SLC1A1: variants seen among roughly 807,000 people sequenced by gnomAD.
SLC1A1 encodes the protein solute carrier family 1 member 1, also known as excitatory amino acid transporter 3.
Under a neutral mutation model 53.3 loss-of-function variants are expected in SLC1A1, and 43 were observed. That is an observed-to-expected ratio of 0.81 (90% CI 0.63 to 1.04). SLC1A1 has a LOEUF of 1.04. SLC1A1 is among the 50% of genes least tolerant of loss of function. The pLI is 0.00. For synonymous variants in SLC1A1, 307 were observed against 243.2 expected, an observed-to-expected ratio of 1.26 and a Z score of -2.44; for missense variants, 748 against 664.9, an observed-to-expected ratio of 1.12 and a Z score of -1.37.
chr9:4,511,086 G>C (rs890495244), intron 1 of SLC1A1, among the ~76,000 whole-genome samples: 54 of 152,202 alleles, frequency 3.5e-4, no homozygotes, highest in African/African-American at 1.2e-3. Flanking sequence ...AAGTCGTTTA[G>C]TTATTAACCA....
At chr9:4,582,185 T>G (rs1821159927) in intron 10 of SLC1A1, among the ~76,000 whole-genome samples, 1 of 152,184 alleles carries the variant, frequency 6.6e-6, no homozygotes, top group Admixed American at 6.5e-5. Flanking sequence ...AAGATGTTGC[T>G]GATAAAGAGA....
intron 1 of SLC1A1, among the ~76,000 whole-genome samples, chr9:4,529,713 A>T (rs1816395915): frequency 6.6e-6 from 1 of 151,742 alleles, no homozygotes; most frequent in Non-Finnish European, 1.5e-5. Flanking sequence ...TGTGTGTTGT[A>T]GAGATGGTGT....
At chr9:4,518,500 G>A (rs1281375783) in intron 1 of SLC1A1, among the ~76,000 whole-genome samples, 1 of 152,046 alleles carries the variant, frequency 6.6e-6, no homozygotes, top group Non-Finnish European at 1.5e-5. Flanking sequence ...CCTAATAGCT[G>A]GGATTACACA....
chr9:4,556,643 T>A lies in SLC1A1; in HGVS notation c.233-4806T>A, dbSNP rs1029343848. Among the ~76,000 whole-genome samples, 5 of 152,226 alleles carry A rather than the reference T, an allele frequency of 3.3e-5. No homozygotes were observed. Among genetic ancestry groups the A allele is most frequent in the Admixed American group, 2.0e-4 (3 of 15,280 alleles). On this transcript the variant is annotated intron_variant, in intron 2 of 11. Coordinates refer to ENST00000262352, the MANE Select transcript of SLC1A1 (RefSeq NM_004170.6). The surrounding 1 kb of genome is among the most constrained non-coding windows in gnomAD (Gnocchi z 4.1). ...TTTGGGACTAAGTTGGGCCTGATCT[T>A]CGACGTCAACGCCAGTTAAGAGTCT... is the stretch of plus-strand genomic sequence containing the variant.
chr9:4,519,851 G>T (rs1414239351), intron 1 of SLC1A1, among the ~76,000 whole-genome samples: 2 of 152,152 alleles, frequency 1.3e-5, no homozygotes, highest in African/African-American at 4.8e-5. Context: ...TGGGGACCCG[G>T]ACCACATGTC....
chr9:4,518,594 A>G (rs1288405681), intron 1 of SLC1A1, among the ~76,000 whole-genome samples: 1 of 152,124 alleles, frequency 6.6e-6, no homozygotes, highest in East Asian at 1.9e-4. Context: ...TTTGCTTAGA[A>G]TCTGTGGTGA....
chr9:4,573,051 A>T (rs940517547), intron 7 of SLC1A1, among the ~76,000 whole-genome samples: 4 of 152,120 alleles, frequency 2.6e-5, no homozygotes, highest in African/African-American at 9.7e-5. Flanking sequence ...TCCCTATTGC[A>T]CCCCATGCAA....
chr9:4,516,478 TC>T (rs1821164672), intron 1 of SLC1A1, among the ~76,000 whole-genome samples: 1 of 152,190 alleles, frequency 6.6e-6, no homozygotes, highest in African/African-American at 2.4e-5. Flanking sequence ...ACCACCCTTA[TC>T]ATCTCATCAA....
chr9:4,498,251 G>A (rs1820508381), intron 1 of SLC1A1, among the ~76,000 whole-genome samples: 1 of 152,138 alleles, frequency 6.6e-6, no homozygotes, highest in South Asian at 2.1e-4. Flanking sequence ...TGTTTGAACT[G>A]CTGATCAGTG....
intron 3 of SLC1A1, among the ~76,000 whole-genome samples, chr9:4,563,816 G>A (rs191935902): frequency 2.9e-4 from 44 of 152,052 alleles, no homozygotes; most frequent in Non-Finnish European, 4.7e-4. Flanking sequence ...TTCCACCCCC[G>A]GAACAGCATT....
At chr9:4,577,526 A>T (rs1199097209) in intron 10 of SLC1A1, among the ~76,000 whole-genome samples, 2 of 152,148 alleles carry the variant, frequency 1.3e-5, no homozygotes, top group East Asian at 3.8e-4. Context: ...CCCAGGCTGG[A>T]GTGCAGTGGC....
intron 1 of SLC1A1, among the ~76,000 whole-genome samples, chr9:4,530,773 T>G (rs1444637146): frequency 1.3e-5 from 2 of 152,238 alleles, no homozygotes; most frequent in African/African-American, 2.4e-5. Context: ...AATATAGTGC[T>G]TGGGATATAT....
chr9:4,508,788 G>T (rs1820893865), intron 1 of SLC1A1, among the ~76,000 whole-genome samples: 1 of 152,192 alleles, frequency 6.6e-6, no homozygotes, highest in African/African-American at 2.4e-5. Flanking sequence ...TCCTGGGCAT[G>T]TGCATTAAAT....
chr9:4,542,697 T>C (rs965927702), intron 1 of SLC1A1, among the ~76,000 whole-genome samples: 2 of 152,226 alleles, frequency 1.3e-5, no homozygotes, highest in African/African-American at 4.8e-5. Context: ...AATATAGGTA[T>C]GTTCATATAG....
intron 8 of SLC1A1, 55 bp downstream of exon 8, chr9:4,574,069 C>A: frequency 1.7e-6 from 2 of 1,192,776 alleles, no homozygotes. Flanking sequence ...ATAGGATGGC[C>A]GCTGAGAGGT....
chr9:4,502,947 A>T (rs896970330), intron 1 of SLC1A1, among the ~76,000 whole-genome samples: 2 of 151,592 alleles, frequency 1.3e-5, no homozygotes, highest in Non-Finnish European at 2.9e-5. Context: ...AGTGAAACTC[A>T]TCTAGTTGCT....
In SLC1A1 at chr9:4,532,030, G is replaced by T. The variant is rs554517545; in HGVS notation, c.92-12537G>T. 1.2e-4 allele frequency among the ~76,000 whole-genome samples: 18 copies of T among 152,234 alleles called. No individual in the cohort carries two copies. The East Asian group carries it at 3.3e-3, about 28-fold the overall frequency. On this transcript the variant is annotated intron_variant, in intron 1 of 11. Transcript: ENST00000262352. ...AGAAGGAAAACTAACAAACAGAAAG[G>T]ACATCCACACCAAAACCCCATCTGT...
chr9:4,554,636 G>A (rs1301754085), intron 2 of SLC1A1, among the ~76,000 whole-genome samples: 1 of 152,212 alleles, frequency 6.6e-6, no homozygotes, highest in African/African-American at 2.4e-5. Flanking sequence ...CTGGAGGAGG[G>A]GATGAGACAG....
chr9:4,531,927 C>A (rs899592948), intron 1 of SLC1A1, among the ~76,000 whole-genome samples: 1 of 152,158 alleles, frequency 6.6e-6, no homozygotes, highest in Non-Finnish European at 1.5e-5. Flanking sequence ...GTCTCCGCTG[C>A]TGATACACAG....
Sources: allele counts gnomAD v4.1 joint callset (sites outside exome capture counted in the v4.1 genomes callset), GRCh38; gene constraint gnomAD v4.1.1; non-coding constraint Gnocchi (gnomAD v3.1); transcripts MANE v1.5; gene names NCBI Gene and HGNC (gene_info 2026-07-23, HGNC 2026-07-21).